NKAIN3: variants seen among roughly 807,000 people sequenced by gnomAD.
NKAIN3 encodes the protein sodium/potassium transporting ATPase interacting 3, also known as sodium/potassium-transporting ATPase subunit beta-1-interacting protein 3.
A neutral mutation model predicts 30.2 loss-of-function variants in NKAIN3; 25 were observed. The observed-to-expected ratio is 0.83, with a 90% CI of 0.60 to 1.16. The LOEUF is 1.16. Ranked by LOEUF, NKAIN3 falls within the 50% of genes most tolerant of loss-of-function variation. The pLI is 0.00. For missense variants in NKAIN3, 225 were observed against 254.1 expected, an observed-to-expected ratio of 0.89 and a Z score of 0.78; for synonymous variants, 91 against 89.6, an observed-to-expected ratio of 1.02 and a Z score of -0.09.
rs553486666 is a variant in NKAIN3 at position 62,983,117 on chromosome 8, C to T, written c.*17710C>T. 1 of 152,178 alleles carries T rather than the reference C, an allele frequency of 6.6e-6. No homozygotes were observed. Among genetic ancestry groups the T allele is most frequent in the Non-Finnish European group, 1.5e-5 (1 of 68,052 alleles). 9.4% of individuals were successfully genotyped at this position (152,178 alleles called of 1,614,324 possible). A position where few individuals can be genotyped will look rare whatever the true frequency, so the allele number is the denominator to read the frequency against. On this transcript the variant is annotated 3_prime_UTR_variant, in exon 7 of 7. Transcript: ENST00000623646. Reference sequence around the variant, plus strand: ...TGAGACAGCATTAGATGACCTCCTTCGTGCCACACTACTTGCCAGTATCCA... The same window carrying T: ...TGAGACAGCATTAGATGACCTCCTTTGTGCCACACTACTTGCCAGTATCCA...
At chr8:62,621,558 A>G (rs976734448) in intron 3 of NKAIN3, among the ~76,000 whole-genome samples, 26 of 152,006 alleles carry the variant, frequency 1.7e-4, no homozygotes, top group African/African-American at 5.8e-4. Context: ...TCACTTTTTC[A>G]TATAATAAAA....
At chr8:62,883,377 G>A (rs1395538361) in intron 4 of NKAIN3, among the ~76,000 whole-genome samples, 1 of 148,840 alleles carries the variant, frequency 6.7e-6, no homozygotes, top group East Asian at 2.0e-4. Context: ...CTAGTATATA[G>A]GAAAGTGATT....
chr8:62,575,898 A>T (rs1158793748), intron 1 of NKAIN3, among the ~76,000 whole-genome samples: 1 of 152,144 alleles, frequency 6.6e-6, no homozygotes, highest in African/African-American at 2.4e-5. Flanking sequence ...GGGTCAGGGA[A>T]AACTGAGTAT....
At chr8:62,765,509 G>T (rs550037799) in intron 4 of NKAIN3, among the ~76,000 whole-genome samples, 50 of 152,124 alleles carry the variant, frequency 3.3e-4, no homozygotes, top group African/African-American at 1.1e-3. Flanking sequence ...GAGCAGATGT[G>T]GTAAATTCAG....
At chr8:62,554,451 T>A (rs1262543785) in intron 1 of NKAIN3, among the ~76,000 whole-genome samples, 2 of 151,988 alleles carry the variant, frequency 1.3e-5, no homozygotes, top group Admixed American at 6.6e-5. Context: ...ACCTAACCCA[T>A]CCCCAGAAAA....
chr8:62,897,084 C>A (rs1821450516), intron 4 of NKAIN3, among the ~76,000 whole-genome samples: 1 of 151,978 alleles, frequency 6.6e-6, no homozygotes, highest in South Asian at 2.1e-4. Flanking sequence ...ATACTGGAGA[C>A]AAACTCAATA....
intron 1 of NKAIN3, among the ~76,000 whole-genome samples, chr8:62,315,497 G>A (rs1814589212): frequency 6.6e-6 from 1 of 152,156 alleles, no homozygotes; most frequent in African/African-American, 2.4e-5. Flanking sequence ...TTTTTGAAAA[G>A]TTGACTATCT....
chr8:62,897,660 C>T (rs1419317863), intron 4 of NKAIN3, among the ~76,000 whole-genome samples: 2 of 152,144 alleles, frequency 1.3e-5, no homozygotes, highest in Non-Finnish European at 2.9e-5. Context: ...TATGGCAATA[C>T]TGGGAGGTGA....
At chr8:62,926,268 C>G (rs973245823) in intron 5 of NKAIN3, among the ~76,000 whole-genome samples, 1 of 152,196 alleles carries the variant, frequency 6.6e-6, no homozygotes, top group African/African-American at 2.4e-5. Flanking sequence ...GAGCAGTTGA[C>G]AGCATCTTGC....
intron 3 of NKAIN3, among the ~76,000 whole-genome samples, chr8:62,657,324 T>C (rs1416937907): frequency 6.6e-6 from 1 of 152,184 alleles, no homozygotes; most frequent in Non-Finnish European, 1.5e-5. Flanking sequence ...AATAGACTGG[T>C]TGGTCAATAC....
At chr8:62,478,384 G>T (rs143247447) in intron 1 of NKAIN3, among the ~76,000 whole-genome samples, 1 of 152,144 alleles carries the variant, frequency 6.6e-6, no homozygotes, top group African/African-American at 2.4e-5. Context: ...CAAAATGATT[G>T]TCTGTTACCT....
intron 1 of NKAIN3, among the ~76,000 whole-genome samples, chr8:62,260,050 G>A (rs1812385394): frequency 6.6e-6 from 1 of 152,016 alleles, no homozygotes; most frequent in Non-Finnish European, 1.5e-5. Flanking sequence ...AGAATGCTCT[G>A]TTCCTTTATT....
chr8:62,899,335 G>A (rs537603364), intron 4 of NKAIN3, among the ~76,000 whole-genome samples: 58 of 152,232 alleles, frequency 3.8e-4, no homozygotes, highest in Middle Eastern at 3.4e-3. Context: ...CAACATAAAT[G>A]TCCATCAACA....
intron 1 of NKAIN3, among the ~76,000 whole-genome samples, chr8:62,412,116 A>G (rs1249957638): frequency 6.6e-6 from 1 of 152,196 alleles, no homozygotes; most frequent in Non-Finnish European, 1.5e-5. Context: ...TTAAAGCAAT[A>G]CTGAGCATAA....
chr8:62,332,812 A>C (rs1329475838), intron 1 of NKAIN3, among the ~76,000 whole-genome samples: 1 of 152,134 alleles, frequency 6.6e-6, no homozygotes, highest in Non-Finnish European at 1.5e-5. Flanking sequence ...AGATCACTTG[A>C]GCCCAGGAGT....
intron 1 of NKAIN3, among the ~76,000 whole-genome samples, chr8:62,364,828 CAAAAAAAAAAA>C (rs58784999): frequency 1.6e-5 from 1 of 63,764 alleles, no homozygotes; most frequent in East Asian, 4.9e-4. Context: ...GACTCCACTA[CAAAAAAAAAAA>C]AAAAAAAAAA....
At chr8:62,886,212 T>A (rs930131292) in intron 4 of NKAIN3, among the ~76,000 whole-genome samples, 1 of 152,122 alleles carries the variant, frequency 6.6e-6, no homozygotes, top group Non-Finnish European at 1.5e-5. Context: ...TCACAACAAT[T>A]TCATGTCCAC....
chr8:62,691,885 C>G (rs1003597915), intron 3 of NKAIN3, among the ~76,000 whole-genome samples: 5 of 152,096 alleles, frequency 3.3e-5, no homozygotes, highest in African/African-American at 1.2e-4. Context: ...GCTCATGAAT[C>G]GAAGAGCAAG....
At chr8:62,470,869 T>C (rs1420176322) in intron 1 of NKAIN3, among the ~76,000 whole-genome samples, 1 of 152,128 alleles carries the variant, frequency 6.6e-6, no homozygotes, top group Non-Finnish European at 1.5e-5. Context: ...TAAATATGTG[T>C]AGATCTTATT....
Sources: allele counts gnomAD v4.1 joint callset (sites outside exome capture counted in the v4.1 genomes callset), GRCh38; gene constraint gnomAD v4.1.1; transcripts MANE v1.5; gene names NCBI Gene and HGNC (gene_info 2026-07-23, HGNC 2026-07-21).